DNAJC17: variants seen among roughly 807,000 people sequenced by gnomAD.
The protein encoded by DNAJC17 is DnaJ heat shock protein family (Hsp40) member C17, also known as dnaJ homolog subfamily C member 17.
A neutral mutation model predicts 48.1 loss-of-function variants in DNAJC17; 35 were observed. The ratio of observed to expected loss-of-function variants is 0.73; its 90% CI spans 0.56 to 0.96. The LOEUF (loss-of-function observed/expected upper bound fraction) is 0.96, where lower values mean the gene tolerates loss of function less well. Among genes scored for constraint, DNAJC17 ranks in the 50% least tolerant of loss-of-function variants. DNAJC17 has a pLI of 0.00. For missense variants in DNAJC17, 355 were observed against 377.1 expected (o/e 0.94, Z 0.48); for synonymous variants, 117 against 142.7 (o/e 0.82, Z 1.28).
At position 40,776,547 on chromosome 15, in the gene DNAJC17, G is replaced by T. The variant is rs373859480; in HGVS notation, c.376C>A (p.Gln126Lys). 3 of 1,613,882 alleles carry T rather than the reference G, an allele frequency of 1.9e-6. No homozygotes were observed. Among genetic ancestry groups the T allele is most frequent in the Non-Finnish European group, 2.5e-6 (3 of 1,180,024 alleles). ...CAGTGTGCCTGAGTGCTCACCTCTT[G>T]CTCTAGTGTCCTGGTGCTCCGGCTC... The part of the protein sequence containing the change: ...EESRSTRTLE[Q>K]EIERLREEGS... Residue 126 changes from glutamine to lysine, a missense_variant, in exon 5 of 11, where the codon CAA becomes AAA. By Grantham distance (53) the Gln-to-Lys change is moderately conservative (BLOSUM62 1). This residue lies in a region of DNAJC17 where 199 missense variants were observed against 199.9 expected (regional missense o/e 1.00). Transcript: ENST00000220496.
At chr15:40,785,998 G>A (rs993556152) in intron 1 of DNAJC17, among the ~76,000 whole-genome samples, 3 of 152,176 alleles carry the variant, frequency 2.0e-5, no homozygotes, top group Admixed American at 6.5e-5. Flanking sequence ...ACTTTGAACC[G>A]GTTGGCCTAG....
Position 40,767,157 on chromosome 15 carries a change from A to C in DNAJC17, c.*783T>G. ...CAAGAGTGGCCAGGCTGCCTGCTGC[A>C]GACACTAGCTTTGTACCAGGAGCTT... On this transcript the variant is annotated 3_prime_UTR_variant, in exon 11 of 11. Transcript: ENST00000220496. 3 of 1,411,522 alleles carry C rather than the reference A, an allele frequency of 2.1e-6. No homozygotes were observed. Among genetic ancestry groups the C allele is most frequent in the Non-Finnish European group, 2.8e-6 (3 of 1,075,140 alleles). 87.4% of individuals were successfully genotyped at this position (1,411,522 alleles called of 1,614,324 possible).
At chr15:40,789,229 G>T (rs1257378150) in intron 1 of DNAJC17, among the ~76,000 whole-genome samples, 1 of 152,146 alleles carries the variant, frequency 6.6e-6, no homozygotes, top group East Asian at 1.9e-4. Context: ...AGCCTGGCCT[G>T]CTTCTCCCCA....
At chr15:40,796,933 C>CT (rs967932079) in intron 1 of DNAJC17, among the ~76,000 whole-genome samples, 13 of 151,436 alleles carry the variant, frequency 8.6e-5, no homozygotes, top group Admixed American at 1.3e-4. Context: ...CTAATTTTTT[C>CT]TTTTTTTTTC....
Position 40,770,907 on chromosome 15 carries a change from C to G in DNAJC17, c.792+2820G>C. ...GGACACTCCCTGCTTCCAGAGGACACCTACCCCAGACCTCAGTGATCCCTT... is the reference window on the plus strand; with the variant it reads ...GGACACTCCCTGCTTCCAGAGGACAGCTACCCCAGACCTCAGTGATCCCTT... On this transcript the variant is annotated intron_variant, in intron 10 of 10. Transcript: ENST00000220496. This position sits in a 1 kb window ranked among gnomAD's most constrained non-coding sequence, Gnocchi z 5.0. 2 of 1,551,518 alleles carry G rather than the reference C, an allele frequency of 1.3e-6. No individual in the cohort carries two copies. Among genetic ancestry groups the G allele is most frequent in the Non-Finnish European group, 1.7e-6 (2 of 1,147,006 alleles).
chr15:40,801,753 AAAAAG>A (rs1209391907), intron 1 of DNAJC17, among the ~76,000 whole-genome samples: 19 of 151,908 alleles, frequency 1.3e-4, no homozygotes, highest in Non-Finnish European at 1.9e-4. Flanking sequence ...AAAAAAAAAA[AAAAAG>A]AAAAGAAAAG....
intron 1 of DNAJC17, among the ~76,000 whole-genome samples, chr15:40,785,226 T>C (rs1472726249): frequency 6.6e-6 from 1 of 152,204 alleles, no homozygotes; most frequent in East Asian, 1.9e-4. Flanking sequence ...GAAAGGGTTA[T>C]AGCTGATATT....
Position 40,780,499 on chromosome 15 carries a change from A to C in DNAJC17, c.79-502T>G, listed in dbSNP as rs1300014851. 5 of 369,156 alleles carry C rather than the reference A, an allele frequency of 1.4e-5. No individual in the cohort carries two copies. In the East Asian group the frequency reaches 3.6e-4, roughly 27 times the overall value. 22.9% of individuals were successfully genotyped at this position (369,156 alleles called of 1,614,324 possible). On this transcript the variant is annotated intron_variant, in intron 1 of 10. Transcript: ENST00000220496. ...TTGATACTAGCCAGCCAAGATCCCCATCAACGGGGAGACTCATTTAAAAGA... is the reference window on the plus strand; with the variant it reads ...TTGATACTAGCCAGCCAAGATCCCCCTCAACGGGGAGACTCATTTAAAAGA...
In DNAJC17 at chr15:40,767,538, G is replaced by T; in HGVS notation, c.*402C>A. 1.5e-6 allele frequency: 1 copy of T among 678,444 alleles called. No individual in the cohort carries two copies. 42.0% of individuals were successfully genotyped at this position (678,444 alleles called of 1,614,324 possible). A position where few individuals can be genotyped will look rare whatever the true frequency, so the allele number is the denominator to read the frequency against. ...GCGTCAAGCAGTGGGAGAGGGCAGT[G>T]CCCGGTGCCCTGGTGCTCCCAGCTG... On this transcript the variant is annotated 3_prime_UTR_variant, in exon 11 of 11. Transcript: ENST00000220496.
rs572169979 is a variant in DNAJC17, at chr15:40,793,823, C to A, written c.78+13546G>T. On this transcript the variant is annotated intron_variant, in intron 1 of 10. Transcript: ENST00000220496. ...CGATCAAGGACAGACTATCATCATC[C>A]TCGTTTTGCAGACGAGGAAACCAAG... Among the ~76,000 whole-genome samples, 92 of 152,146 alleles carry A rather than the reference C, an allele frequency of 6.0e-4. 1 individual carries two copies. In the South Asian group the frequency reaches 0.019, roughly 31 times the overall value.
At chr15:40,804,375 C>T (rs1350887638) in intron 1 of DNAJC17, among the ~76,000 whole-genome samples, 2 of 150,942 alleles carry the variant, frequency 1.3e-5, no homozygotes, top group African/African-American at 4.9e-5. Flanking sequence ...CCCAGGAGTT[C>T]GACACCAGCC....
intron 4 of DNAJC17, 78 bp from the exon 5 acceptor site, chr15:40,776,705 G>C: frequency 6.8e-7 from 1 of 1,460,884 alleles, no homozygotes; most frequent in Non-Finnish European, 9.5e-7. Flanking sequence ...AGCTCTGGCT[G>C]CCTCCCCAAA....
Position 40,765,643 on chromosome 15 carries a change from C to T in DNAJC17, c.*2297G>A, listed in dbSNP as rs1474699462. ...CACTAGGGAGGGCGCCTACATTGCTCCTCCTGATCATTGATGGGCTCCACC... is the reference window on the plus strand; with the variant it reads ...CACTAGGGAGGGCGCCTACATTGCTTCTCCTGATCATTGATGGGCTCCACC... On this transcript the variant is annotated 3_prime_UTR_variant, in exon 11 of 11. Transcript: ENST00000220496. 1.0e-5 allele frequency: 4 copies of T among 394,756 alleles called. No homozygotes were observed. The highest frequency in any genetic ancestry group is 1.8e-5 in the Non-Finnish European group (4 of 222,070). 24.5% of individuals were successfully genotyped at this position (394,756 alleles called of 1,614,324 possible). A position where few individuals can be genotyped will look rare whatever the true frequency, so the allele number is the denominator to read the frequency against.
Position 40,765,459 on chromosome 15 carries a change from T to C in DNAJC17, c.*2481A>G, listed in dbSNP as rs528453927. The C allele has an allele frequency of 2.8e-4, 46 of 162,786 alleles. No individual in the cohort carries two copies. Among genetic ancestry groups the C allele is most frequent in the Non-Finnish European group, 5.4e-4 (41 of 75,280 alleles). The allele number at this position is 162,786 out of a possible 1,614,324, so 10.1% of individuals were successfully genotyped here. ...TTTATTTTGTTTTGTTTTTTTGAAA[T>C]GGAGTCTCACTCTGTCACCCAGGCT... On this transcript the variant is annotated 3_prime_UTR_variant, in exon 11 of 11. Coordinates refer to ENST00000220496, the MANE Select transcript of DNAJC17 (RefSeq NM_018163.3).
chr15:40,774,300 C>A lies in DNAJC17; in HGVS notation c.681+56G>T, dbSNP rs954887813. 8.2e-6 allele frequency: 13 copies of A among 1,594,396 alleles called. No homozygotes were observed. The Admixed American group carries it at 1.5e-4, about 18-fold the overall frequency. ...ACTCAGAGGGCCCACAGAATTGGGT[C>A]CCTGCCCTAGAATGACAGGGCCACG... is the stretch of plus-strand genomic sequence containing the variant. On this transcript the variant is annotated intron_variant, in intron 9 of 10. Transcript: ENST00000220496.
chr15:40,767,104 G>C lies in DNAJC17; in HGVS notation c.*836C>G. Reference sequence around the variant, plus strand: ...GGGCGTGCACTTACCCCAGCGCCCAGCAAGCAGCCAGCAAGTGTGAGTCAC... The same window carrying C: ...GGGCGTGCACTTACCCCAGCGCCCACCAAGCAGCCAGCAAGTGTGAGTCAC... On this transcript the variant is annotated 3_prime_UTR_variant, in exon 11 of 11. Transcript: ENST00000220496. The C allele has an allele frequency of 9.4e-7, 1 of 1,058,640 alleles. No individual in the cohort carries two copies. The allele number at this position is 1,058,640 out of a possible 1,614,324, so 65.6% of individuals were successfully genotyped here.
At chr15:40,773,132 T>C (rs747421218) in intron 10 of DNAJC17, among the ~76,000 whole-genome samples, 17 of 152,218 alleles carry the variant, frequency 1.1e-4, no homozygotes, top group Non-Finnish European at 1.8e-4. Flanking sequence ...AGCTGATTTT[T>C]GTGTTTTTGT....
intron 1 of DNAJC17, among the ~76,000 whole-genome samples, chr15:40,782,115 T>C (rs1889516913): frequency 6.6e-6 from 1 of 151,918 alleles, no homozygotes; most frequent in Non-Finnish European, 1.5e-5. Flanking sequence ...GTCCCCCTAC[T>C]CAGGAGGCTG....
chr15:40,804,451 T>C (rs1236535847), intron 1 of DNAJC17, among the ~76,000 whole-genome samples: 2 of 150,718 alleles, frequency 1.3e-5, no homozygotes, highest in Non-Finnish European at 3.0e-5. Context: ...CAAAACAAAT[T>C]AGCCAGGCAT....
Sources: allele counts gnomAD v4.1 joint callset (sites outside exome capture counted in the v4.1 genomes callset), GRCh38; gene constraint gnomAD v4.1.1; regional missense constraint gnomAD v4.1.1; non-coding constraint Gnocchi (gnomAD v3.1); transcripts MANE v1.5; gene names NCBI Gene and HGNC (gene_info 2026-07-23, HGNC 2026-07-21).